Variants in RALGAPA1 observed in about 807,000 individuals in gnomAD.
The protein encoded by RALGAPA1 is ral GTPase-activating protein subunit alpha-1.
RALGAPA1 carries 52 observed loss-of-function variants against 269.6 expected under a neutral mutation model. That is an observed-to-expected ratio of 0.19 (90% CI 0.15 to 0.24). RALGAPA1 has a LOEUF of 0.24. Among genes scored for constraint, RALGAPA1 ranks in the 10% least tolerant of loss-of-function variants. The pLI is 1.00. For missense variants in RALGAPA1, 1,917 were observed against 3,013.9 expected (o/e 0.64, Z 8.52); for synonymous variants, 817 against 1,008.3 (o/e 0.81, Z 3.60).
intron 21 of RALGAPA1, among the ~76,000 whole-genome samples, chr14:35,683,002 A>G (rs2065588588): frequency 6.6e-6 from 1 of 152,198 alleles, no homozygotes; most frequent in South Asian, 2.1e-4. Context: ...TAGTTTAGAG[A>G]TGCAGAAATC....
At chr14:35,758,036 G>T (rs191782411) in intron 6 of RALGAPA1, among the ~76,000 whole-genome samples, 231 of 152,166 alleles carry the variant, frequency 1.5e-3, no homozygotes, top group African/African-American at 5.2e-3. Context: ...ATCATCTGAG[G>T]TCAGGAGTTT....
Position 35,683,924 on chromosome 14 carries a change from G to A in RALGAPA1, c.4356C>T (p.Gly1452=). Residue 1452 remains glycine, a synonymous_variant, in exon 21 of 42, where the codon GGC becomes GGT. Transcript: ENST00000680220. Reference sequence around the variant, plus strand: ...CCTGCTCTTCAGCACTCTGATGATGGCCAGAACCTGAATCCACATCAGCAG... The same window carrying A: ...CCTGCTCTTCAGCACTCTGATGATGACCAGAACCTGAATCCACATCAGCAG... ...TSSADVDSGS[G]HHQSAEEQEV... 1.2e-6 allele frequency: 2 copies of A among 1,613,352 alleles called. No homozygotes were observed. Among genetic ancestry groups the A allele is most frequent in the Non-Finnish European group, 1.7e-6 (2 of 1,179,540 alleles).
At chr14:35,731,268 G>A (rs989408732) in intron 12 of RALGAPA1, among the ~76,000 whole-genome samples, 8 of 152,158 alleles carry the variant, frequency 5.3e-5, no homozygotes, top group Non-Finnish European at 1.2e-4. Flanking sequence ...CTCTGACAGA[G>A]CCTACCCAAA....
chr14:35,771,341 C>A (rs2074602977), intron 3 of RALGAPA1, among the ~76,000 whole-genome samples: 1 of 152,114 alleles, frequency 6.6e-6, no homozygotes, highest in African/African-American at 2.4e-5. Context: ...TTACCGTGAG[C>A]CGAGATCACG....
intron 27 of RALGAPA1, among the ~76,000 whole-genome samples, chr14:35,664,177 C>G (rs2063754952): frequency 6.6e-6 from 1 of 152,048 alleles, no homozygotes; most frequent in South Asian, 2.1e-4. Context: ...CTGTTCAAGC[C>G]CCTAAATGCC....
chr14:35,694,911 T>C (rs1407472772), intron 17 of RALGAPA1, among the ~76,000 whole-genome samples: 1 of 151,958 alleles, frequency 6.6e-6, no homozygotes, highest in Non-Finnish European at 1.5e-5. Context: ...ACCCCATCTC[T>C]ACCAAAAATT....
At chr14:35,568,685 G>A (rs1303437380) in intron 39 of RALGAPA1, among the ~76,000 whole-genome samples, 1 of 152,136 alleles carries the variant, frequency 6.6e-6, no homozygotes, top group Non-Finnish European at 1.5e-5. Context: ...ACTGATTGCT[G>A]GCTGAGCTCA....
chr14:35,790,594 G>A (rs962005265), intron 1 of RALGAPA1, among the ~76,000 whole-genome samples: 59 of 151,368 alleles, frequency 3.9e-4, no homozygotes, highest in African/African-American at 1.4e-3. Flanking sequence ...AGGCTGAGGC[G>A]GGGGAATTGC....
chr14:35,677,152 T>C (rs1270058763), intron 22 of RALGAPA1: 2 of 152,258 alleles, frequency 1.3e-5, no homozygotes. Context: ...CTGGGCAACA[T>C]GGTGAAACCT....
rs140958336 is a variant in RALGAPA1 at position 35,625,382 on chromosome 14, C to T, written c.6908G>A (p.Arg2303Lys). The T allele has an allele frequency of 2.4e-4, 392 of 1,610,296 alleles. No homozygotes were observed. In the African/African-American group the frequency reaches 4.8e-3, roughly 20 times the overall value. ...TTACCACTGCCTTGAATCCAAGTTC[C>T]TAAGTTCTCTAAGTAGCTTTTCATT... is the stretch of plus-strand genomic sequence containing the variant. ...KKNEKLLRELRNLDSRQCRET... is the reference protein window; with the variant it reads ...KKNEKLLRELKNLDSRQCRET... Residue 2303 changes from arginine to lysine, a missense_variant, in exon 35 of 42, where the codon AGG (arginine) becomes AAG (lysine). Physicochemically the swap from Arg to Lys is conservative, Grantham distance 26 (BLOSUM62 2). Transcript: ENST00000680220.
chr14:35,544,510 A>T (rs55949220), intron 41 of RALGAPA1, among the ~76,000 whole-genome samples: 2,887 of 152,302 alleles, frequency 0.019, 93 homozygotes, highest in African/African-American at 0.065. Context: ...CAGTAATAGC[A>T]CAATTATTAT....
intron 31 of RALGAPA1, among the ~76,000 whole-genome samples, chr14:35,636,458 C>T (rs1172344307): frequency 6.6e-6 from 1 of 152,144 alleles, no homozygotes; most frequent in East Asian, 1.9e-4. Flanking sequence ...CCAATAAAAC[C>T]TCACAAAACA....
At chr14:35,787,103 T>C (rs2075852269) in intron 1 of RALGAPA1, among the ~76,000 whole-genome samples, 1 of 152,234 alleles carries the variant, frequency 6.6e-6, no homozygotes, top group Non-Finnish European at 1.5e-5. Context: ...ATGTTTCATA[T>C]TTGACACATG....
chr14:35,574,359 A>G (rs1321152560), intron 37 of RALGAPA1, among the ~76,000 whole-genome samples: 2 of 152,220 alleles, frequency 1.3e-5, no homozygotes, highest in African/African-American at 2.4e-5. Flanking sequence ...GCTTGTTCAA[A>G]TATCTTCTGT....
chr14:35,551,763 G>T (rs1204549997), intron 39 of RALGAPA1, among the ~76,000 whole-genome samples: 1 of 151,522 alleles, frequency 6.6e-6, no homozygotes, highest in Non-Finnish European at 1.5e-5. Flanking sequence ...TTATAAAATG[G>T]AAAAAATCCT....
At chr14:35,702,743 ATTTT>A (rs1282374814) in intron 16 of RALGAPA1, among the ~76,000 whole-genome samples, 1 of 141,790 alleles carries the variant, frequency 7.1e-6, no homozygotes. Flanking sequence ...ATATATATAC[ATTTT>A]TTTTTTTTTT....
chr14:35,808,752 G>T lies in RALGAPA1; in HGVS notation c.84C>A (p.Leu28=). Residue 28 remains leucine (L), a synonymous_variant, in exon 1 of 42, where the codon CTC becomes CTA. Coordinates refer to ENST00000680220, the MANE Select transcript of RALGAPA1 (RefSeq NM_001346249.2). Reference sequence around the variant, plus strand: ...CACCGATGACGATGCGCAGGTGCTTGAGGCGAGTCAGTGCGTCCTTCTTGG... The same window carrying T: ...CACCGATGACGATGCGCAGGTGCTTTAGGCGAGTCAGTGCGTCCTTCTTGG... The part of the protein sequence containing the change: ...LDTKKDALTR[L]KHLRIVIENA... The T allele has an allele frequency of 6.2e-7, 1 of 1,613,252 alleles. No individual in the cohort carries two copies. Among genetic ancestry groups the T allele is most frequent in the South Asian group, 1.1e-5 (1 of 90,810 alleles).
At chr14:35,618,515 T>C (rs746052634) in intron 35 of RALGAPA1, among the ~76,000 whole-genome samples, 1 of 152,118 alleles carries the variant, frequency 6.6e-6, no homozygotes, top group African/African-American at 2.4e-5. Flanking sequence ...TCTTCCTTAA[T>C]GATGAAACAG....
chr14:35,700,820 T>G (rs2067276285), intron 16 of RALGAPA1, among the ~76,000 whole-genome samples: 1 of 152,206 alleles, frequency 6.6e-6, no homozygotes, highest in South Asian at 2.1e-4. Flanking sequence ...TTAGAAATTT[T>G]TAGGTAATTC....
Sources: allele counts gnomAD v4.1 joint callset (sites outside exome capture counted in the v4.1 genomes callset), GRCh38; gene constraint gnomAD v4.1.1; transcripts MANE v1.5; gene names NCBI Gene and HGNC (gene_info 2026-07-23, HGNC 2026-07-21).